Variants in MAGI1 observed in about 807,000 individuals in gnomAD.
The protein encoded by MAGI1 is membrane associated guanylate kinase, WW and PDZ domain containing 1.
A neutral mutation model predicts 139.9 loss-of-function variants in MAGI1; 58 were observed. The observed-to-expected ratio is 0.41, with a 90% CI of 0.34 to 0.52. MAGI1 has a LOEUF of 0.52. Ranked by LOEUF, MAGI1 falls within the 20% of genes least tolerant of loss-of-function variation. The pLI is 0.12. For missense variants in MAGI1, 1,874 were observed against 1,901.6 expected (o/e 0.99, Z 0.27); for synonymous variants, 812 against 737.9 (o/e 1.10, Z -1.63).
chr3:65,806,171 C>T (rs2040841778), intron 1 of MAGI1, among the ~76,000 whole-genome samples: 1 of 152,038 alleles, frequency 6.6e-6, no homozygotes, highest in African/African-American at 2.4e-5. Context: ...TGGCTCATGC[C>T]TGTAATCCCA....
At chr3:66,009,399 A>T (rs2067204605) in intron 1 of MAGI1, among the ~76,000 whole-genome samples, 1 of 151,836 alleles carries the variant, frequency 6.6e-6, no homozygotes, top group African/African-American at 2.4e-5. Flanking sequence ...AATCCCAGCT[A>T]CCCGGGAGGC....
Position 65,477,937 on chromosome 3 carries a change from G to A in MAGI1, c.757+655C>T, listed in dbSNP as rs6787699. 7.4e-3 allele frequency among the ~76,000 whole-genome samples: 1,123 copies of A among 151,388 alleles called. 13 individuals carry two copies. The highest frequency in any genetic ancestry group is 0.026 in the African/African-American group (1,072 of 41,304). On this transcript the variant is annotated intron_variant, in intron 4 of 22. Coordinates refer to ENST00000402939, the MANE Select transcript of MAGI1 (RefSeq NM_001033057.2). ...CATAAAATACAACATACCTAAGCTC[G>A]GAGGTAGACAGCCCTGAATATAGAT... is the stretch of plus-strand genomic sequence containing the variant.
chr3:65,704,009 T>C (rs2089790244), intron 1 of MAGI1, among the ~76,000 whole-genome samples: 1 of 152,108 alleles, frequency 6.6e-6, no homozygotes, highest in African/African-American at 2.4e-5. Context: ...AACAACCCTT[T>C]TTATTGCTTA....
intron 1 of MAGI1, among the ~76,000 whole-genome samples, chr3:65,979,088 T>TTCCCCCCCCCCCC (rs377493475): frequency 1.9e-5 from 1 of 52,970 alleles, no homozygotes; most frequent in African/African-American, 7.0e-5. Flanking sequence ...TTTCTTTTCT[T>TTCCCCCCCCCCCC]CCCCCCCCCC....
In MAGI1 at chr3:65,466,589, C is replaced by T. The variant is rs188482166; in HGVS notation, c.959+3694G>A. Among the ~76,000 whole-genome samples the T allele has an allele frequency of 1.2e-4, 19 of 152,248 alleles. No homozygotes were observed. The East Asian group carries it at 3.5e-3, about 28-fold the overall frequency. ...GCTCCCAAGCTGGCCTCTCTGACTC[C>T]ACAGGGAGAGGGTGGGCTCTTCACC... On this transcript the variant is annotated intron_variant, in intron 5 of 22. Transcript: ENST00000402939.
chr3:65,447,670 A>G (rs1207955659), intron 7 of MAGI1, among the ~76,000 whole-genome samples: 5 of 152,238 alleles, frequency 3.3e-5, no homozygotes, highest in African/African-American at 4.8e-5. Flanking sequence ...AAATAAAGAA[A>G]TAAGACTGAG....
Position 65,621,966 on chromosome 3 carries a change from A to G in MAGI1, c.430+6T>C. On this transcript the variant is annotated splice_donor_region_variant and intron_variant, in intron 2 of 22. Transcript: ENST00000402939. ...AGCAGTGAGATGCCAAAGTCCAACT[A>G]CTTACAAGGCACAGCATGGCGGTAA... is the stretch of plus-strand genomic sequence containing the variant. The G allele has an allele frequency of 6.3e-7, 1 of 1,594,762 alleles. No homozygotes were observed. The highest frequency in any genetic ancestry group is 1.1e-5 in the South Asian group (1 of 90,650).
chr3:65,560,270 C>G (rs111656208), intron 2 of MAGI1, among the ~76,000 whole-genome samples: 2 of 152,104 alleles, frequency 1.3e-5, no homozygotes, highest in Admixed American at 6.5e-5. Flanking sequence ...GAATTAAAAG[C>G]GTCCATTATG....
chr3:65,543,574 G>C (rs1260186318), intron 2 of MAGI1, among the ~76,000 whole-genome samples: 2 of 152,148 alleles, frequency 1.3e-5, no homozygotes, highest in African/African-American at 4.8e-5. Context: ...TGCAGCCATA[G>C]AAAAGGATGA....
chr3:65,915,522 GTCTTTT>G (rs2061856442), intron 1 of MAGI1, among the ~76,000 whole-genome samples: 1 of 152,120 alleles, frequency 6.6e-6, no homozygotes, highest in Non-Finnish European at 1.5e-5. Flanking sequence ...AATTGTTTGG[GTCTTTT>G]TCTTTTTTTA....
chr3:65,921,401 C>T (rs1382866911), intron 1 of MAGI1, among the ~76,000 whole-genome samples: 2 of 151,704 alleles, frequency 1.3e-5, no homozygotes, highest in South Asian at 2.1e-4. Flanking sequence ...CTCTGTGTCC[C>T]GGGTTCAAGT....
At chr3:65,734,334 C>T (rs1339155379) in intron 1 of MAGI1, among the ~76,000 whole-genome samples, 1 of 151,932 alleles carries the variant, frequency 6.6e-6, no homozygotes, top group Non-Finnish European at 1.5e-5. Context: ...GTGGCACTTG[C>T]CTGTAGCCCT....
intron 3 of MAGI1, among the ~76,000 whole-genome samples, chr3:65,493,072 C>T (rs1221128640): frequency 9.0e-6 from 1 of 111,610 alleles, no homozygotes; most frequent in African/African-American, 3.2e-5. Context: ...AGCGAGACTC[C>T]GTCTCAAAAA....
intron 12 of MAGI1, among the ~76,000 whole-genome samples, chr3:65,429,035 A>G (rs1452579694): frequency 6.6e-6 from 1 of 152,182 alleles, no homozygotes; most frequent in Non-Finnish European, 1.5e-5. Context: ...GAGGAACATG[A>G]GACAAGTTTG....
intron 1 of MAGI1, among the ~76,000 whole-genome samples, chr3:66,010,145 T>C (rs1024432637): frequency 4.0e-5 from 5 of 124,940 alleles, no homozygotes; most frequent in African/African-American, 1.2e-4. Context: ...GACTAACATA[T>C]AGAAAATGCT....
At chr3:65,695,658 G>A (rs531820728) in intron 1 of MAGI1, among the ~76,000 whole-genome samples, 5 of 152,214 alleles carry the variant, frequency 3.3e-5, no homozygotes, top group African/African-American at 4.8e-5. Context: ...TACAGTAGAC[G>A]CCTAGACCTC....
intron 1 of MAGI1, among the ~76,000 whole-genome samples, chr3:65,699,371 T>G (rs979475304): frequency 3.4e-4 from 50 of 148,622 alleles, no homozygotes; most frequent in African/African-American, 1.3e-3. Context: ...GCCATCCCAT[T>G]GCTGGTTATA....
At chr3:65,649,195 G>A (rs1302405295) in intron 1 of MAGI1, among the ~76,000 whole-genome samples, 1 of 151,984 alleles carries the variant, frequency 6.6e-6, no homozygotes, top group Non-Finnish European at 1.5e-5. Flanking sequence ...GCAACACAGT[G>A]AGACACCCCA....
intron 1 of MAGI1, among the ~76,000 whole-genome samples, chr3:65,815,113 G>A (rs548221405): frequency 2.6e-5 from 4 of 152,282 alleles, no homozygotes; most frequent in Non-Finnish European, 4.4e-5. Flanking sequence ...GGCAGCATTC[G>A]TATCTGCTCT....
Sources: gnomAD v4.1 joint callset for allele counts (sites outside exome capture counted in the v4.1 genomes callset) on GRCh38, gnomAD v4.1.1 for gene constraint, MANE v1.5 for transcripts, NCBI Gene and HGNC (gene_info 2026-07-23, HGNC 2026-07-21) for gene names.